NRG3: variants seen among roughly 807,000 people sequenced by gnomAD.
The protein encoded by NRG3 is pro-neuregulin-3, membrane-bound isoform.
NRG3 carries 31 observed loss-of-function variants against 66.9 expected under a neutral mutation model. The ratio of observed to expected loss-of-function variants is 0.46; its 90% CI spans 0.35 to 0.63. NRG3 has a LOEUF of 0.63. Among genes scored for constraint, NRG3 ranks in the 20% least tolerant of loss-of-function variants. The pLI is 0.00. For missense variants in NRG3, 910 were observed against 878.9 expected, an observed-to-expected ratio of 1.04 and a Z score of -0.45; for synonymous variants, 393 against 359.4, an observed-to-expected ratio of 1.09 and a Z score of -1.06.
chr10:82,303,417 CTAT>C lies in NRG3; in HGVS notation c.824-55318_824-55316del, dbSNP rs1589653390. Among the ~76,000 whole-genome samples the C allele has an allele frequency of 2.6e-5, 4 of 152,040 alleles. No homozygotes were observed. The East Asian group carries it at 7.7e-4, about 29-fold the overall frequency. The stretch of plus-strand genomic sequence containing the variant: ...ATCCTCTCCAATTCATCTGAGGACT[CTAT>C]TATGATTTGAGTGGGGAGGTGTTCT... On this transcript the variant is annotated intron_variant, in intron 1 of 8. Transcript: ENST00000372141.
chr10:82,620,713 C>T lies in NRG3; in HGVS notation c.954-117864C>T, dbSNP rs557064887. ...ATGGGCAAACAGGGATAGAAGTTCT[C>T]ACTTTGGGCCACAGGTTTCAGGCTT... On this transcript the variant is annotated intron_variant, in intron 2 of 8. Transcript: ENST00000372141. Among the ~76,000 whole-genome samples, 11 of 152,260 alleles carry T rather than the reference C, an allele frequency of 7.2e-5. No homozygotes were observed. The East Asian group carries it at 9.7e-4, about 13-fold the overall frequency.
chr10:82,779,898 G>A (rs550713552), intron 3 of NRG3, among the ~76,000 whole-genome samples: 11 of 73,942 alleles, frequency 1.5e-4, no homozygotes, highest in African/African-American at 4.3e-4. Context: ...GACAGGCCCC[G>A]GTGTGATATT....
At chr10:82,159,314 C>T (rs960675059) in intron 1 of NRG3, among the ~76,000 whole-genome samples, 1 of 151,886 alleles carries the variant, frequency 6.6e-6, no homozygotes, top group Non-Finnish European at 1.5e-5. Context: ...CACTCCAACA[C>T]TATCTTCCTT....
chr10:82,893,529 A>G (rs1220144434), intron 4 of NRG3, among the ~76,000 whole-genome samples: 6 of 152,116 alleles, frequency 3.9e-5, no homozygotes, highest in Admixed American at 6.5e-5. Flanking sequence ...CTCTACTAAA[A>G]CTACAAAAAT....
chr10:82,556,018 G>T (rs1420417048), intron 2 of NRG3, among the ~76,000 whole-genome samples: 1 of 152,084 alleles, frequency 6.6e-6, no homozygotes, highest in Non-Finnish European at 1.5e-5. Flanking sequence ...AGCTGCTCTT[G>T]TCAAGGTCAC....
intron 1 of NRG3, among the ~76,000 whole-genome samples, chr10:82,076,731 C>T (rs1033603024): frequency 1.3e-4 from 20 of 152,164 alleles, no homozygotes; most frequent in Non-Finnish European, 2.2e-4. Context: ...CCCCCTTTAC[C>T]TTCTGCCATA....
intron 2 of NRG3, among the ~76,000 whole-genome samples, chr10:82,436,578 A>C (rs909109217): frequency 6.6e-6 from 1 of 152,282 alleles, no homozygotes; most frequent in East Asian, 1.9e-4. Context: ...TCCTGTCATC[A>C]TGCTGCTATT....
chr10:82,451,847 T>G (rs2091030918), intron 2 of NRG3, among the ~76,000 whole-genome samples: 1 of 152,042 alleles, frequency 6.6e-6, no homozygotes, highest in Non-Finnish European at 1.5e-5. Flanking sequence ...CCTCACAGAG[T>G]GATGATACTG....
intron 1 of NRG3, among the ~76,000 whole-genome samples, chr10:82,044,219 C>T (rs1167551366): frequency 6.6e-6 from 1 of 151,946 alleles, no homozygotes; most frequent in Non-Finnish European, 1.5e-5. Context: ...TTTTGCTTTA[C>T]AATAATTTGT....
At chr10:82,135,608 C>G (rs202148644) in intron 1 of NRG3, among the ~76,000 whole-genome samples, 2 of 152,132 alleles carry the variant, frequency 1.3e-5, no homozygotes, top group East Asian at 3.9e-4. Context: ...TTGCCCTATT[C>G]TGCTTTTGAG....
intron 2 of NRG3, among the ~76,000 whole-genome samples, chr10:82,627,508 C>G (rs2049511881): frequency 6.6e-6 from 1 of 151,942 alleles, no homozygotes; most frequent in Non-Finnish European, 1.5e-5. Context: ...GAAAAAATAA[C>G]CTCAAATAAT....
intron 1 of NRG3, among the ~76,000 whole-genome samples, chr10:82,077,305 A>G (rs1180488043): frequency 6.6e-6 from 1 of 152,208 alleles, no homozygotes; most frequent in Non-Finnish European, 1.5e-5. Flanking sequence ...ATGTCATTAT[A>G]TCTTTGAATT....
chr10:82,956,452 C>G (rs1312983135), intron 5 of NRG3, among the ~76,000 whole-genome samples: 1 of 151,844 alleles, frequency 6.6e-6, no homozygotes, highest in Non-Finnish European at 1.5e-5. Flanking sequence ...GGTAGATAGG[C>G]AGAGGCAGGC....
intron 3 of NRG3, among the ~76,000 whole-genome samples, chr10:82,859,971 A>C (rs554704364): frequency 6.6e-6 from 1 of 152,320 alleles, no homozygotes; most frequent in South Asian, 2.1e-4. Flanking sequence ...ACCTAGTCCT[A>C]AAATCTTAAG....
chr10:82,396,132 C>T (rs1467295379), intron 2 of NRG3, among the ~76,000 whole-genome samples: 2 of 152,118 alleles, frequency 1.3e-5, no homozygotes, highest in Non-Finnish European at 2.9e-5. Flanking sequence ...GATGAGTTTC[C>T]AATATCTTAT....
At chr10:82,148,457 A>G (rs2132733248) in intron 1 of NRG3, among the ~76,000 whole-genome samples, 2 of 152,290 alleles carry the variant, frequency 1.3e-5, no homozygotes, top group Middle Eastern at 3.4e-3. Context: ...TTTGATCTCT[A>G]AAGGTTTGGA....
intron 1 of NRG3, among the ~76,000 whole-genome samples, chr10:82,106,709 T>A (rs1473593910): frequency 6.6e-6 from 1 of 152,068 alleles, no homozygotes; most frequent in Non-Finnish European, 1.5e-5. Context: ...TTTCTCCATG[T>A]TGGCCAGGCT....
At chr10:81,917,913 T>C (rs947594011) in intron 1 of NRG3, among the ~76,000 whole-genome samples, 5 of 152,176 alleles carry the variant, frequency 3.3e-5, no homozygotes, top group African/African-American at 1.2e-4. Context: ...TGGTTTTCTC[T>C]TTTCGCATGT....
At chr10:82,497,974 C>T (rs150868042) in intron 2 of NRG3, among the ~76,000 whole-genome samples, 4 of 152,214 alleles carry the variant, frequency 2.6e-5, no homozygotes, top group Admixed American at 1.3e-4. Context: ...ATTTGCATAT[C>T]TCTGCTGACT....
Sources: allele counts gnomAD v4.1 joint callset (sites outside exome capture counted in the v4.1 genomes callset), GRCh38; gene constraint gnomAD v4.1.1; transcripts MANE v1.5; gene names NCBI Gene and HGNC (gene_info 2026-07-23, HGNC 2026-07-21).